LIMCH1: variants seen among roughly 807,000 people sequenced by gnomAD.
LIMCH1 encodes the protein LIM and calponin homology domains-containing protein 1.
A neutral mutation model predicts 176.5 loss-of-function variants in LIMCH1; 113 were observed. That is an observed-to-expected ratio of 0.64 (90% CI 0.55 to 0.75). The LOEUF (loss-of-function observed/expected upper bound fraction) is 0.75, where lower values mean the gene tolerates loss of function less well. LIMCH1 is among the 30% of genes least tolerant of loss of function. The pLI is 0.00. For missense variants in LIMCH1, 1,674 were observed against 1,814.9 expected, an observed-to-expected ratio of 0.92 and a Z score of 1.41; for synonymous variants, 619 against 645.9, an observed-to-expected ratio of 0.96 and a Z score of 0.63.
At chr4:41,649,764 T>C (rs1355291068) in intron 17 of LIMCH1, among the ~76,000 whole-genome samples, 2 of 152,230 alleles carry the variant, frequency 1.3e-5, no homozygotes, top group Non-Finnish European at 2.9e-5. Flanking sequence ...TTGCTCCAAC[T>C]GCCTCCCCTC....
At chr4:41,419,571 C>T (rs1357111082) in intron 1 of LIMCH1, among the ~76,000 whole-genome samples, 6 of 74,248 alleles carry the variant, frequency 8.1e-5, no homozygotes, top group African/African-American at 6.6e-4. Flanking sequence ...CCCTTCCTTC[C>T]TTCCTTCCTT....
chr4:41,584,058 T>C (rs1052631014), intron 1 of LIMCH1, among the ~76,000 whole-genome samples: 3 of 152,200 alleles, frequency 2.0e-5, no homozygotes, highest in Admixed American at 6.5e-5. Flanking sequence ...CTCACACTCA[T>C]ATGACCTCTA....
chr4:41,668,922 A>G (rs939208708), intron 21 of LIMCH1, among the ~76,000 whole-genome samples: 1 of 152,150 alleles, frequency 6.6e-6, no homozygotes, highest in Non-Finnish European at 1.5e-5. Flanking sequence ...AGACTTATTC[A>G]CTATCACAAG....
intron 1 of LIMCH1, among the ~76,000 whole-genome samples, chr4:41,403,610 G>T (rs2058684737): frequency 6.6e-6 from 1 of 152,098 alleles, no homozygotes; most frequent in Non-Finnish European, 1.5e-5. Context: ...ATAAAATTAA[G>T]AGACCCATCA....
At chr4:41,595,805 C>T (rs2088644150) in intron 1 of LIMCH1, among the ~76,000 whole-genome samples, 1 of 152,074 alleles carries the variant, frequency 6.6e-6, no homozygotes, top group Admixed American at 6.5e-5. Flanking sequence ...TGCCTGTAAT[C>T]CCAGCACGTT....
At chr4:41,399,686 T>TTTTTTTA (rs1303995736) in intron 1 of LIMCH1, among the ~76,000 whole-genome samples, 1 of 5,368 alleles carries the variant, frequency 1.9e-4, no homozygotes, top group Non-Finnish European at 3.5e-4. Context: ...GTGGATACTC[T>TTTTTTTA]TTTTTTTTTT....
chr4:41,479,595 T>C (rs983353004), intron 1 of LIMCH1, among the ~76,000 whole-genome samples: 1 of 152,202 alleles, frequency 6.6e-6, no homozygotes, highest in African/African-American at 2.4e-5. Flanking sequence ...TATCATCAAA[T>C]GACCAGTATA....
chr4:41,685,587 C>G (rs1452975691), intron 27 of LIMCH1, 123 bp from the exon 28 acceptor site: 2 of 1,152,438 alleles, frequency 1.7e-6, no homozygotes, highest in African/African-American at 1.6e-5. Context: ...CACCATGTGC[C>G]CATGACCTGC....
chr4:41,552,280 T>C (rs1405649271), intron 1 of LIMCH1, among the ~76,000 whole-genome samples: 3 of 152,160 alleles, frequency 2.0e-5, no homozygotes, highest in African/African-American at 7.2e-5. Flanking sequence ...CACTATGTGT[T>C]CATGAGCTGT....
At chr4:41,557,603 T>C (rs1041587809) in intron 1 of LIMCH1, among the ~76,000 whole-genome samples, 1 of 151,176 alleles carries the variant, frequency 6.6e-6, no homozygotes, top group African/African-American at 2.5e-5. Context: ...GAATTCTTAA[T>C]AAAGGTGGCC....
At chr4:41,540,900 A>G (rs1278607799) in intron 1 of LIMCH1, among the ~76,000 whole-genome samples, 1 of 152,182 alleles carries the variant, frequency 6.6e-6, no homozygotes, top group African/African-American at 2.4e-5. Context: ...GTGTGAATTC[A>G]ATGGCTCAGC....
intron 1 of LIMCH1, among the ~76,000 whole-genome samples, chr4:41,491,920 G>A (rs1234193858): frequency 2.7e-5 from 4 of 150,724 alleles, no homozygotes; most frequent in South Asian, 2.1e-4. Context: ...CGTCCCAGAC[G>A]GGGCGGCCGG....
intron 1 of LIMCH1, among the ~76,000 whole-genome samples, chr4:41,568,189 G>A (rs956635212): frequency 2.0e-5 from 3 of 152,098 alleles, no homozygotes; most frequent in Admixed American, 6.5e-5. Context: ...TTACTTAAAT[G>A]GGCAGTAAAA....
chr4:41,679,355 G>A (rs1328275750), intron 23 of LIMCH1, among the ~76,000 whole-genome samples: 1 of 152,152 alleles, frequency 6.6e-6, no homozygotes, highest in Non-Finnish European at 1.5e-5. Context: ...TATTCTTAGT[G>A]TGTTCTTTTT....
At chr4:41,470,601 C>T (rs1193452244) in intron 1 of LIMCH1, among the ~76,000 whole-genome samples, 3 of 152,288 alleles carry the variant, frequency 2.0e-5, no homozygotes, top group South Asian at 2.1e-4. Flanking sequence ...AGAAATTGCT[C>T]ATGTCAAGGT....
intron 1 of LIMCH1, among the ~76,000 whole-genome samples, chr4:41,480,811 C>G (rs1243985795): frequency 6.6e-6 from 1 of 152,176 alleles, no homozygotes; most frequent in Non-Finnish European, 1.5e-5. Flanking sequence ...TGGTAAAGCT[C>G]ATTTTGAGTG....
intron 2 of LIMCH1, among the ~76,000 whole-genome samples, chr4:41,519,107 T>G (rs367818539): frequency 1.2e-4 from 18 of 152,340 alleles, no homozygotes; most frequent in African/African-American, 3.6e-4. Context: ...TTCTATAGAA[T>G]GTGTGCAAAG....
chr4:41,369,609 T>C (rs545108017), intron 1 of LIMCH1, among the ~76,000 whole-genome samples: 1 of 152,280 alleles, frequency 6.6e-6, no homozygotes, highest in South Asian at 2.1e-4. Context: ...TTCCCTTCTT[T>C]GTACACACCT....
At chr4:41,620,148 A>G in intron 6 of LIMCH1, 1 of 384,454 alleles carries the variant, frequency 2.6e-6, no homozygotes, top group Non-Finnish European at 4.7e-6. Flanking sequence ...TACAATTTTT[A>G]ATTTGCTGAA....
Sources: gnomAD v4.1 joint callset for allele counts (sites outside exome capture counted in the v4.1 genomes callset) on GRCh38, gnomAD v4.1.1 for gene constraint, MANE v1.5 for transcripts, NCBI Gene and HGNC (gene_info 2026-07-23, HGNC 2026-07-21) for gene names.